The following MARK3 variants were observed in gnomAD, a reference collection of about 807,000 sequenced individuals.
The protein encoded by MARK3 is MAP/microtubule affinity-regulating kinase 3.
In MARK3, 46 loss-of-function variants were observed where a neutral mutation model predicts 90.1. The ratio of observed to expected loss-of-function variants is 0.51; its 90% CI spans 0.40 to 0.65. MARK3 has a LOEUF of 0.65. Ranked by LOEUF, MARK3 falls within the 30% of genes least tolerant of loss-of-function variation. MARK3 has a pLI of 0.00. For synonymous variants in MARK3, 321 were observed against 332.6 expected (o/e 0.97, Z 0.38); for missense variants, 818 against 947.2 (o/e 0.86, Z 1.79).
chr14:103,406,814 G>A (rs1305337724), intron 2 of MARK3, among the ~76,000 whole-genome samples: 1 of 149,252 alleles, frequency 6.7e-6, no homozygotes, highest in African/African-American at 2.5e-5. Context: ...TAGGTGTTTG[G>A]GAGTTTTTTG....
chr14:103,425,608 G>A (rs967672373), intron 2 of MARK3, among the ~76,000 whole-genome samples: 5 of 152,166 alleles, frequency 3.3e-5, no homozygotes, highest in African/African-American at 1.2e-4. Context: ...CTATAAAGAT[G>A]AATAAGATGT....
intron 1 of MARK3, among the ~76,000 whole-genome samples, chr14:103,386,602 T>C (rs2089824213): frequency 6.6e-6 from 1 of 152,248 alleles, no homozygotes. Context: ...GAGGGATCTT[T>C]GCGGTCCCCT....
chr14:103,418,155 A>G (rs1317554724), intron 2 of MARK3, among the ~76,000 whole-genome samples: 1 of 148,846 alleles, frequency 6.7e-6, no homozygotes, highest in African/African-American at 2.5e-5. Context: ...TACTGTCTTT[A>G]CAGCATCTAG....
At chr14:103,386,511 T>C in intron 1 of MARK3, 1 of 413,090 alleles carries the variant, frequency 2.4e-6, no homozygotes, top group East Asian at 6.8e-5. Context: ...TGATTAAGAG[T>C]AATCGATTGG....
At chr14:103,403,764 C>G (rs543518417) in intron 1 of MARK3, among the ~76,000 whole-genome samples, 2 of 152,220 alleles carry the variant, frequency 1.3e-5, no homozygotes, top group East Asian at 3.9e-4. Flanking sequence ...TCATTTTAGT[C>G]TTTTATCAAC....
rs1234545041 is a variant in MARK3, at chr14:103,409,493, C to T, written c.243+4226C>T. Among the ~76,000 whole-genome samples, 6 of 134,060 alleles carry T rather than the reference C, an allele frequency of 4.5e-5. No homozygotes were observed. In the East Asian group the frequency reaches 1.1e-3, roughly 24 times the overall value. 87.9% of individuals were successfully genotyped at this position (134,060 alleles called of 152,430 possible). ...AAAAACTTTGAACAAAATCATTTTA[C>T]TCTTGTGGGGTTTTTTTTGCCTATT... On this transcript the variant is annotated intron_variant, in intron 2 of 17. Transcript: ENST00000429436.
intron 2 of MARK3, among the ~76,000 whole-genome samples, chr14:103,407,053 T>G (rs2091342488): frequency 6.6e-6 from 1 of 151,688 alleles, no homozygotes; most frequent in African/African-American, 2.4e-5. Context: ...CAGGATGGTC[T>G]CGATCTCATC....
intron 2 of MARK3, chr14:103,417,463 T>TA (rs2091996821): frequency 6.6e-6 from 1 of 152,222 alleles, no homozygotes; most frequent in Non-Finnish European, 1.5e-5. Flanking sequence ...TATAACCATG[T>TA]AAGTAGCTTA....
At chr14:103,453,846 T>TAA in intron 5 of MARK3, among the ~76,000 whole-genome samples, 1 of 152,308 alleles carries the variant, frequency 6.6e-6, no homozygotes, top group East Asian at 1.9e-4. Context: ...GATGGGCTTT[T>TAA]TACCCATGAG....
intron 2 of MARK3, among the ~76,000 whole-genome samples, chr14:103,418,582 G>A (rs1253910643): frequency 6.6e-6 from 1 of 152,012 alleles, no homozygotes; most frequent in East Asian, 1.9e-4. Context: ...CAGTCACTTA[G>A]TCCTCCCCCG....
chr14:103,406,214 T>C (rs547172919), intron 2 of MARK3, among the ~76,000 whole-genome samples: 1 of 149,232 alleles, frequency 6.7e-6, no homozygotes, highest in African/African-American at 2.5e-5. Context: ...TTTTTCTTTT[T>C]TGGGGGGTTA....
At chr14:103,449,425 A>G (rs2093076013) in intron 4 of MARK3, among the ~76,000 whole-genome samples, 1 of 151,102 alleles carries the variant, frequency 6.6e-6, no homozygotes, top group Non-Finnish European at 1.5e-5. Context: ...AAAAAAAAAA[A>G]AAAAAAGTAA....
chr14:103,416,453 C>T (rs532928728), intron 2 of MARK3, among the ~76,000 whole-genome samples: 28 of 152,226 alleles, frequency 1.8e-4, no homozygotes, highest in African/African-American at 6.0e-4. Context: ...CTTTGGATAA[C>T]ATGGACAGTT....
rs1490829826 is a variant in MARK3 at position 103,392,247 on chromosome 14, G to A, written c.51+6167G>A. Among the ~76,000 whole-genome samples the A allele has an allele frequency of 2.6e-5, 4 of 152,184 alleles. No homozygotes were observed. The East Asian group carries it at 7.7e-4, about 29-fold the overall frequency. ...GTATGATACTGTGCTAGGTGCTGTA[G>A]AGGCCATATACCTGGGACACATAGC... On this transcript the variant is annotated intron_variant, in intron 1 of 17. Coordinates refer to ENST00000429436, the MANE Select transcript of MARK3 (RefSeq NM_001128918.3).
intron 12 of MARK3, among the ~76,000 whole-genome samples, chr14:103,473,536 A>G (rs2093665232): frequency 6.6e-6 from 1 of 152,242 alleles, no homozygotes; most frequent in Admixed American, 6.5e-5. Context: ...CATTGAGGCT[A>G]ATATCACCCT....
At chr14:103,435,454 G>A (rs1430839048) in intron 3 of MARK3, among the ~76,000 whole-genome samples, 1 of 152,166 alleles carries the variant, frequency 6.6e-6, no homozygotes, top group South Asian at 2.1e-4. Context: ...TGTCACCCAG[G>A]CTGGAGTGCA....
intron 3 of MARK3, among the ~76,000 whole-genome samples, chr14:103,432,228 C>T (rs983677883): frequency 2.6e-5 from 4 of 152,166 alleles, no homozygotes; most frequent in Non-Finnish European, 5.9e-5. Context: ...ATTTAACCAC[C>T]ATTCTTAAAT....
chr14:103,425,570 T>C (rs538402736), intron 2 of MARK3, among the ~76,000 whole-genome samples: 2 of 152,318 alleles, frequency 1.3e-5, no homozygotes, highest in East Asian at 3.9e-4. Flanking sequence ...TCAGTATTTA[T>C]TGAGTACTCC....
intron 1 of MARK3, among the ~76,000 whole-genome samples, chr14:103,397,837 C>G (rs2090682871): frequency 6.6e-6 from 1 of 152,076 alleles, no homozygotes; most frequent in African/African-American, 2.4e-5. Flanking sequence ...CTCATAAATT[C>G]AGCTGTGAAG....
Sources: gnomAD v4.1 joint callset for allele counts (sites outside exome capture counted in the v4.1 genomes callset) on GRCh38, gnomAD v4.1.1 for gene constraint, MANE v1.5 for transcripts, NCBI Gene and HGNC (gene_info 2026-07-23, HGNC 2026-07-21) for gene names.